Variants in MSI2 observed in about 807,000 individuals in gnomAD.
The protein encoded by MSI2 is musashi RNA binding protein 2, also known as RNA-binding protein Musashi homolog 2.
Under a neutral mutation model 45.6 loss-of-function variants are expected in MSI2, and 17 were observed. The ratio of observed to expected loss-of-function variants is 0.37; its 90% confidence interval spans 0.26 to 0.56. The LOEUF (loss-of-function observed/expected upper bound fraction) is 0.56, where lower values mean the gene tolerates loss of function less well. Among genes scored for constraint, MSI2 ranks in the 20% least tolerant of loss-of-function variants. MSI2 has a pLI of 0.77. For synonymous variants in MSI2, 156 were observed against 158.2 expected, an observed-to-expected ratio of 0.99 and a Z score of 0.11; for missense variants, 293 against 444.2, an observed-to-expected ratio of 0.66 and a Z score of 3.06.
chr17:57,604,936 C>G (rs1906373332), intron 8 of MSI2, among the ~76,000 whole-genome samples: 1 of 144,780 alleles, frequency 6.9e-6, no homozygotes, highest in Admixed American at 7.1e-5. Flanking sequence ...GGGAACCAGC[C>G]CAAAAGTGGT....
chr17:57,570,754 G>A (rs1006669697), intron 7 of MSI2, among the ~76,000 whole-genome samples: 1 of 152,242 alleles, frequency 6.6e-6, no homozygotes, highest in Admixed American at 6.5e-5. Context: ...GCTCATATGG[G>A]TGTGACCTGA....
At chr17:57,697,376 C>T in the MSI2 span, among the ~76,000 whole-genome samples, 1 of 152,032 alleles carries the variant, frequency 6.6e-6, no homozygotes, top group African/African-American at 2.4e-5. Context: ...CTCCCACGTT[C>T]TCACAGCTTC....
At position 57,289,687 on chromosome 17, in the gene MSI2, A is replaced by G. The variant is rs552934999; in HGVS notation, c.312+27495A>G. Among the ~76,000 whole-genome samples the G allele has an allele frequency of 3.9e-5, 6 of 152,356 alleles. No homozygotes were observed. In the East Asian group the frequency reaches 9.6e-4, roughly 24 times the overall value. On this transcript the variant is annotated intron_variant, in intron 5 of 13. Transcript: ENST00000284073. ...CTTGTAAAAAAGTCACTTGTGTGCC[A>G]TAAAATCCATCACAGCTCCCTTGGT...
the MSI2 span, among the ~76,000 whole-genome samples, chr17:57,701,134 A>G: frequency 6.6e-6 from 1 of 152,174 alleles, no homozygotes; most frequent in African/African-American, 2.4e-5. Flanking sequence ...AGCTGGGTTT[A>G]GAAGGAAGTA....
the MSI2 span, among the ~76,000 whole-genome samples, chr17:57,700,172 T>C: frequency 6.6e-6 from 1 of 152,324 alleles, no homozygotes; most frequent in South Asian, 2.1e-4. Context: ...TTCCCAGATG[T>C]GCCTGTGTGT....
intron 7 of MSI2, among the ~76,000 whole-genome samples, chr17:57,573,614 A>G (rs1598412232): frequency 6.6e-6 from 1 of 152,222 alleles, no homozygotes. Flanking sequence ...TTCCTGGGCC[A>G]CCACATTTAT....
chr17:57,620,362 G>A (rs1304372586), intron 9 of MSI2, among the ~76,000 whole-genome samples: 2 of 152,212 alleles, frequency 1.3e-5, no homozygotes, highest in Admixed American at 6.5e-5. Context: ...GTATGTTCAT[G>A]TACTCTTCAG....
chr17:57,578,783 G>A (rs193087180), intron 7 of MSI2, among the ~76,000 whole-genome samples: 111 of 152,210 alleles, frequency 7.3e-4, no homozygotes, highest in African/African-American at 2.1e-3. Flanking sequence ...TTTCATAAGC[G>A]TGGAACAGTA....
In MSI2 at chr17:57,595,385, G is replaced by T. The variant is rs1437573562; in HGVS notation, c.455-1483G>T. Among the ~76,000 whole-genome samples the T allele has an allele frequency of 2.6e-5, 4 of 152,134 alleles. No homozygotes were observed. The East Asian group carries it at 7.7e-4, about 29-fold the overall frequency. ...TGTGTCTGGCTTAGTGTTCAGCCAG[G>T]TTCATACCTTTGGGGAGAAGAGTGT... is the stretch of plus-strand genomic sequence containing the variant. On this transcript the variant is annotated intron_variant, in intron 7 of 13. Transcript: ENST00000284073.
intron 6 of MSI2, among the ~76,000 whole-genome samples, chr17:57,481,040 C>T (rs993334909): frequency 6.6e-6 from 1 of 152,194 alleles, no homozygotes; most frequent in African/African-American, 2.4e-5. Flanking sequence ...GGATGGTATA[C>T]ACAAGGCACT....
chr17:57,620,975 C>G (rs1365081953), intron 9 of MSI2, among the ~76,000 whole-genome samples: 2 of 152,222 alleles, frequency 1.3e-5, no homozygotes, highest in Non-Finnish European at 2.9e-5. Flanking sequence ...CTGGGCTGCC[C>G]TCTGTTTTGC....
chr17:57,674,953 G>A lies in MSI2; in HGVS notation c.791-19G>A, dbSNP rs760537532. ...CTACAGTGCTCAACCGAATTTTGGC[G>A]CGCCCGCTTCCCCGGCAGGCTCCAA... On this transcript the variant is annotated intron_variant, in intron 11 of 13. Transcript: ENST00000284073. 19 of 1,612,374 alleles carry A rather than the reference G, an allele frequency of 1.2e-5. No individual in the cohort carries two copies. Among genetic ancestry groups the A allele is most frequent in the Admixed American group, 1.7e-5 (1 of 59,928 alleles).
intron 6 of MSI2, among the ~76,000 whole-genome samples, chr17:57,415,647 T>A: frequency 6.6e-6 from 1 of 151,946 alleles, no homozygotes; most frequent in East Asian, 1.9e-4. Context: ...CCCTTTCTGC[T>A]CCCCATTCCC....
At chr17:57,697,969 C>T in the MSI2 span, among the ~76,000 whole-genome samples, 1 of 152,130 alleles carries the variant, frequency 6.6e-6, no homozygotes, top group African/African-American at 2.4e-5. Flanking sequence ...CATGCCTTCA[C>T]TCCCTCCCTC....
intron 6 of MSI2, among the ~76,000 whole-genome samples, chr17:57,512,457 C>G (rs1295365329): frequency 6.6e-6 from 1 of 152,166 alleles, no homozygotes; most frequent in Non-Finnish European, 1.5e-5. Flanking sequence ...GCCAGAGTAG[C>G]CTCCTCAGGT....
At position 57,644,020 on chromosome 17, in the gene MSI2, C is replaced by T. The variant is rs186908214; in HGVS notation, c.728-8079C>T. The stretch of plus-strand genomic sequence containing the variant: ...TCATTTTCCCAGCTGCAGCTGAGGG[C>T]GAGACATTGCCCCCCCAGGCCATAC... On this transcript the variant is annotated intron_variant, in intron 10 of 13. Transcript: ENST00000284073. Among the ~76,000 whole-genome samples the T allele has an allele frequency of 3.8e-3, 578 of 152,252 alleles. 4 individuals carry two copies. The highest frequency in any genetic ancestry group is 0.013 in the African/African-American group (539 of 41,532).
At chr17:57,559,664 C>G (rs1235151224) in intron 7 of MSI2, among the ~76,000 whole-genome samples, 1 of 152,276 alleles carries the variant, frequency 6.6e-6, no homozygotes, top group Non-Finnish European at 1.5e-5. Context: ...TGACGACAGC[C>G]TGCCACCCAA....
chr17:57,511,379 C>T (rs576291274), intron 6 of MSI2, among the ~76,000 whole-genome samples: 1 of 152,250 alleles, frequency 6.6e-6, no homozygotes, highest in African/African-American at 2.4e-5. Flanking sequence ...CCTCTCCTTC[C>T]CCTTACCGCC....
At chr17:57,635,975 A>G (rs1909805107) in intron 10 of MSI2, among the ~76,000 whole-genome samples, 1 of 152,122 alleles carries the variant, frequency 6.6e-6, no homozygotes, top group Admixed American at 6.5e-5. Context: ...GTGATTTTCC[A>G]TCACTCTAAA....
Sources: allele counts gnomAD v4.1 joint callset (sites outside exome capture counted in the v4.1 genomes callset), GRCh38; gene constraint gnomAD v4.1.1; transcripts MANE v1.5; gene names NCBI Gene and HGNC (gene_info 2026-07-23, HGNC 2026-07-21).